IGFBP7: variants seen among roughly 807,000 people sequenced by gnomAD.
IGFBP7 encodes insulin like growth factor binding protein 7, also known as insulin-like growth factor-binding protein 7.
A neutral mutation model predicts 29.4 loss-of-function variants in IGFBP7; 31 were observed. That is an observed-to-expected ratio of 1.05 (90% CI 0.79 to 1.42). IGFBP7 has a LOEUF of 1.42. Among genes scored for constraint, IGFBP7 ranks in the 40% most tolerant of loss-of-function variants. The pLI is 0.00. For missense variants in IGFBP7, 393 were observed against 395.5 expected (o/e 0.99, Z 0.05); for synonymous variants, 172 against 174.9 (o/e 0.98, Z 0.13).
chr4:57,071,393 A>G (rs1284706183), intron 1 of IGFBP7, among the ~76,000 whole-genome samples: 3 of 152,218 alleles, frequency 2.0e-5, no homozygotes, highest in African/African-American at 2.4e-5. Flanking sequence ...GGGCTTTTAC[A>G]TCTGATGTGT....
chr4:57,099,859 G>C (rs552303573), intron 1 of IGFBP7, among the ~76,000 whole-genome samples: 1 of 151,570 alleles, frequency 6.6e-6, no homozygotes, highest in South Asian at 2.1e-4. Flanking sequence ...AGCCTCCCAA[G>C]TAGCTAGGAC....
chr4:57,104,115 G>C (rs1385216647), intron 1 of IGFBP7, among the ~76,000 whole-genome samples: 1 of 151,894 alleles, frequency 6.6e-6, no homozygotes, highest in East Asian at 1.9e-4. Flanking sequence ...TTGTCATTCT[G>C]TGCTTGGCTT....
intron 1 of IGFBP7, among the ~76,000 whole-genome samples, chr4:57,094,740 T>C (rs1336946685): frequency 1.3e-5 from 2 of 152,234 alleles, no homozygotes; most frequent in Admixed American, 6.5e-5. Flanking sequence ...TCGGAATCCT[T>C]GGTAGTTCTC....
intron 1 of IGFBP7, among the ~76,000 whole-genome samples, chr4:57,101,315 G>C (rs1725891395): frequency 6.6e-6 from 1 of 152,144 alleles, no homozygotes; most frequent in Non-Finnish European, 1.5e-5. Context: ...TATGAATGGG[G>C]CTTTGTCAAC....
chr4:57,077,764 C>T (rs1299443848), intron 1 of IGFBP7, among the ~76,000 whole-genome samples: 1 of 152,180 alleles, frequency 6.6e-6, no homozygotes, highest in Non-Finnish European at 1.5e-5. Flanking sequence ...CACAGAATCT[C>T]TGCATTCACA....
At chr4:57,055,686 G>A (rs939195465) in intron 1 of IGFBP7, among the ~76,000 whole-genome samples, 7 of 152,078 alleles carry the variant, frequency 4.6e-5, no homozygotes, top group Non-Finnish European at 7.4e-5. Flanking sequence ...AAATAGGGCA[G>A]TCATCTCCCA....
rs1724838428 is a variant in IGFBP7, at chr4:57,063,158, GTTAACTCCTAGA to G, written c.476-22237_476-22226del. Among the ~76,000 whole-genome samples, 3 of 151,508 alleles carry G rather than the reference GTTAACTCCTAGA, an allele frequency of 2.0e-5. No homozygotes were observed. In the South Asian group the frequency reaches 6.3e-4, roughly 32 times the overall value. On this transcript the variant is annotated intron_variant, in intron 1 of 4. Transcript: ENST00000295666. ...TCCCACCCCTCCGTAGCTTTGCTTG[GTTAACTCCTAGA>G]TATCCTGTATGTCTCAGATTAGTTT...
rs994740600 is a variant in IGFBP7 at position 57,090,279 on chromosome 4, A to C, written c.475+19598T>G. 1.3e-5 allele frequency among the ~76,000 whole-genome samples: 2 copies of C among 152,170 alleles called. 1 individual carries two copies. The highest frequency in any genetic ancestry group is 2.9e-5 in the Non-Finnish European group (2 of 68,020). On this transcript the variant is annotated intron_variant, in intron 1 of 4. Transcript: ENST00000295666. ...TCTTTGTTTGCGTAAGAATTTCCTGAGTCTTGCTACCATGAGAAACGTAGT... is the reference window on the plus strand; with the variant it reads ...TCTTTGTTTGCGTAAGAATTTCCTGCGTCTTGCTACCATGAGAAACGTAGT...
chr4:57,036,874 A>G (rs922160686), intron 2 of IGFBP7, among the ~76,000 whole-genome samples: 12 of 152,126 alleles, frequency 7.9e-5, no homozygotes, highest in African/African-American at 2.7e-4. Context: ...AAGGTGTTCT[A>G]CTCTTAAATT....
rs1726138797 is a variant in IGFBP7 at position 57,109,971 on chromosome 4, G to A, written c.381C>T (p.Tyr127=). 1 of 1,548,120 alleles carries A rather than the reference G, an allele frequency of 6.5e-7. No individual in the cohort carries two copies. The highest frequency in any genetic ancestry group is 8.7e-7 in the Non-Finnish European group (1 of 1,152,834). The change falls in exon 1 of 5, where the codon TAC becomes TAT. Residue 127 remains tyrosine, a synonymous_variant. Coordinates refer to ENST00000295666, the MANE Select transcript of IGFBP7 (RefSeq NM_001553.3). ...YPVCGSDGTT[Y]PSGCQLRAAS... ...CGGCGCGCAGCTGGCAGCCGCTCGG[G>A]TAGGTGGTGCCGTCGCTGCCGCACA... is the stretch of plus-strand genomic sequence containing the variant.
At chr4:57,108,481 T>C (rs893603684) in intron 1 of IGFBP7, among the ~76,000 whole-genome samples, 1 of 152,024 alleles carries the variant, frequency 6.6e-6, no homozygotes, top group African/African-American at 2.4e-5. Context: ...GGCATTAGAG[T>C]TAAAATTTCT....
rs11555291 is a variant in IGFBP7 at position 57,110,313 on chromosome 4, G to T, written c.39C>A (p.Ala13=). The change falls in exon 1 of 5, where the codon GCC becomes GCA. Residue 13 remains alanine, a synonymous_variant. Transcript: ENST00000295666. ...RPSLRALLLG[A]AGLLLLLLPL... The stretch of plus-strand genomic sequence containing the variant: ...GCAGGAGCAGGAGCAGCAGCCCAGC[G>T]GCGCCGAGGAGCAGGGCGCGCAGCG... 6 of 1,411,794 alleles carry T rather than the reference G, an allele frequency of 4.2e-6. No individual in the cohort carries two copies. The highest frequency in any genetic ancestry group is 5.5e-6 in the Non-Finnish European group (6 of 1,081,944). 87.5% of individuals were successfully genotyped at this position (1,411,794 alleles called of 1,614,324 possible). A position where few individuals can be genotyped will look rare whatever the true frequency, so the allele number is the denominator to read the frequency against.
intron 3 of IGFBP7, 128 bp from the exon 4 acceptor site, chr4:57,032,680 A>C: frequency 1.3e-6 from 1 of 768,770 alleles, no homozygotes; most frequent in Non-Finnish European, 2.3e-6. Flanking sequence ...TACTGCTAGA[A>C]GCAGTGCAAG....
intron 1 of IGFBP7, among the ~76,000 whole-genome samples, chr4:57,056,082 C>G (rs904964554): frequency 6.6e-6 from 1 of 152,064 alleles, no homozygotes; most frequent in Non-Finnish European, 1.5e-5. Context: ...CGTTAGCCAG[C>G]CGCGCATAAC....
Position 57,110,055 on chromosome 4 carries a change from C to A in IGFBP7, c.297G>T (p.Gly99=). 6.4e-7 allele frequency: 1 copy of A among 1,561,470 alleles called. No individual in the cohort carries two copies. Among genetic ancestry groups the A allele is most frequent in the Non-Finnish European group, 8.6e-7 (1 of 1,159,748 alleles). The change falls in exon 1 of 5, where the codon GGG becomes GGT. Residue 99 remains glycine, a synonymous_variant. Transcript: ENST00000295666. ...TTACACCCGGACCGCCGGCTGCTGC[C>A]CCGGCTTTACCCTTCCGCCTCTTGC... The part of the protein sequence containing the change: ...KSRKRRKGKA[G]AAAGGPGVSG...
At chr4:57,100,886 T>C (rs555291255) in intron 1 of IGFBP7, among the ~76,000 whole-genome samples, 4 of 152,388 alleles carry the variant, frequency 2.6e-5, no homozygotes, top group African/African-American at 9.6e-5. Flanking sequence ...ACCTGTGTGA[T>C]GTCTGACCTG....
At position 57,039,487 on chromosome 4, in the gene IGFBP7, T is replaced by C. The variant is rs888833869; in HGVS notation, c.585+1337A>G. On this transcript the variant is annotated intron_variant, in intron 2 of 4. Coordinates refer to ENST00000295666, the MANE Select transcript of IGFBP7 (RefSeq NM_001553.3). ...GGGGGATGGGGGAATGCTACTGTTA[T>C]ATAGTGGGTAGAGGCTGGGGATACT... Among the ~76,000 whole-genome samples the C allele has an allele frequency of 1.2e-4, 19 of 152,044 alleles. 1 individual carries two copies. The highest frequency in any genetic ancestry group is 2.2e-4 in the Non-Finnish European group (15 of 68,016).
intron 1 of IGFBP7, among the ~76,000 whole-genome samples, chr4:57,079,450 A>C (rs1414922198): frequency 6.6e-6 from 1 of 152,206 alleles, no homozygotes; most frequent in Non-Finnish European, 1.5e-5. Context: ...GTTACACATT[A>C]ACACGGTCCT....
rs774083313 is a variant in IGFBP7, at chr4:57,033,194, C to G, written c.702+1G>C. On this transcript the variant is annotated splice_donor_variant, in intron 3 of 4. Transcript: ENST00000295666. LOFTEE classifies it high-confidence loss of function. ...TGCCAGCTCTTGGTACTGGTACTCACCAGCACCCAGCCAGTTACTTCATGC... is the reference window on the plus strand; with the variant it reads ...TGCCAGCTCTTGGTACTGGTACTCAGCAGCACCCAGCCAGTTACTTCATGC... 6.2e-7 allele frequency: 1 copy of G among 1,600,314 alleles called. No homozygotes were observed. Among genetic ancestry groups the G allele is most frequent in the Admixed American group, 1.7e-5 (1 of 60,004 alleles).
Sources: allele counts gnomAD v4.1 joint callset (sites outside exome capture counted in the v4.1 genomes callset), GRCh38; gene constraint gnomAD v4.1.1; transcripts MANE v1.5; gene names NCBI Gene and HGNC (gene_info 2026-07-23, HGNC 2026-07-21).